The following FBP1 variants were observed in gnomAD, a reference collection of about 807,000 sequenced individuals.
The protein encoded by FBP1 is fructose-1,6-bisphosphatase 1.
In FBP1, 22 loss-of-function variants were observed where a neutral mutation model predicts 29.9. The ratio of observed to expected loss-of-function variants is 0.74; its 90% CI spans 0.53 to 1.05. The LOEUF (loss-of-function observed/expected upper bound fraction) is 1.05. Ranked by LOEUF, FBP1 falls within the 50% of genes least tolerant of loss-of-function variation. The pLI, the probability that FBP1 is intolerant of heterozygous loss-of-function variation, is 0.00. For missense variants in FBP1, 345 were observed against 448.2 expected, an observed-to-expected ratio of 0.77 and a Z score of 2.08; for synonymous variants, 175 against 178.6, an observed-to-expected ratio of 0.98 and a Z score of 0.16.
intron 1 of FBP1, among the ~76,000 whole-genome samples, chr9:94,620,896 AG>A (rs1827937023): frequency 6.6e-6 from 1 of 152,238 alleles, no homozygotes. Flanking sequence ...TGTGTATCCC[AG>A]AACTTAAAGT....
rs549595249 is a variant in FBP1 at position 94,631,644 on chromosome 9, C to T, written c.170+7497G>A. On this transcript the variant is annotated intron_variant, in intron 1 of 6. Coordinates refer to ENST00000375326, the MANE Select transcript of FBP1 (RefSeq NM_000507.4). ...CTGCTGACTTAGGACCATCTCCTCCCGAAGTCACTGTGACTGAGTAACACG... is the reference window on the plus strand; with the variant it reads ...CTGCTGACTTAGGACCATCTCCTCCTGAAGTCACTGTGACTGAGTAACACG... Among the ~76,000 whole-genome samples, 22 of 152,322 alleles carry T rather than the reference C, an allele frequency of 1.4e-4. No homozygotes were observed. The South Asian group carries it at 3.9e-3, about 27-fold the overall frequency.
chr9:94,615,533 G>A (rs1827849688), intron 3 of FBP1, among the ~76,000 whole-genome samples: 2 of 152,162 alleles, frequency 1.3e-5, no homozygotes, highest in Admixed American at 1.3e-4. Flanking sequence ...TATTTTGCAA[G>A]GAAAATTGCA....
chr9:94,617,999 G>C, intron 2 of FBP1, 139 bp from the exon 3 acceptor site: 1 of 684,182 alleles, frequency 1.5e-6, no homozygotes, highest in Non-Finnish European at 2.6e-6. Flanking sequence ...TGTCATGGAA[G>C]GCATGAGATG....
chr9:94,614,345 C>G (rs1827832288), intron 3 of FBP1, among the ~76,000 whole-genome samples: 1 of 150,898 alleles, frequency 6.6e-6, no homozygotes, highest in Non-Finnish European at 1.5e-5. Context: ...TCGAGACCAT[C>G]CTGGCTAAAA....
chr9:94,629,012 C>T (rs1441109931), intron 1 of FBP1, among the ~76,000 whole-genome samples: 1 of 152,154 alleles, frequency 6.6e-6, no homozygotes, highest in Non-Finnish European at 1.5e-5. Flanking sequence ...GACAGAGTCT[C>T]GCTCCGTCAC....
chr9:94,609,967 A>T lies in FBP1; in HGVS notation c.521T>A (p.Leu174Gln), dbSNP rs751066898. Residue 174 changes from leucine (L) to glutamine (Q), a missense_variant, in exon 4 of 7, where the codon CTG becomes CAG. Transcript: ENST00000375326. ...GACCCCACAGTCCATGGCAAGGACC[A>T]GCATGGTGGCACTGCCATACAGTGC... ...GYALYGSATM[L>Q]VLAMDCGVNC... 1 of 1,614,232 alleles carries T rather than the reference A, an allele frequency of 6.2e-7. No individual in the cohort carries two copies. Among genetic ancestry groups the T allele is most frequent in the Non-Finnish European group, 8.5e-7 (1 of 1,180,024 alleles).
At chr9:94,611,984 G>A (rs1827793153) in intron 3 of FBP1, among the ~76,000 whole-genome samples, 1 of 152,148 alleles carries the variant, frequency 6.6e-6, no homozygotes, top group Non-Finnish European at 1.5e-5. Flanking sequence ...GCCCCTCCTA[G>A]TTTTCACCTG....
At chr9:94,634,301 A>C (rs1394434962) in intron 1 of FBP1, among the ~76,000 whole-genome samples, 1 of 150,306 alleles carries the variant, frequency 6.7e-6, no homozygotes, top group Non-Finnish European at 1.5e-5. Context: ...CTCAAAAAAA[A>C]AAAAAAGAAA....
intron 5 of FBP1, among the ~76,000 whole-genome samples, chr9:94,605,926 G>A (rs28369758): frequency 6.6e-6 from 1 of 152,170 alleles, no homozygotes; most frequent in Non-Finnish European, 1.5e-5. Flanking sequence ...ACCGGGCAGG[G>A]GTGGGAGGCA....
At chr9:94,614,903 A>T (rs959562088) in intron 3 of FBP1, among the ~76,000 whole-genome samples, 3 of 152,076 alleles carry the variant, frequency 2.0e-5, no homozygotes, top group South Asian at 2.1e-4. Context: ...TTTATTAATT[A>T]ATTAATTTAT....
At chr9:94,604,159 T>C (rs1339130803) in intron 6 of FBP1, among the ~76,000 whole-genome samples, 1 of 152,224 alleles carries the variant, frequency 6.6e-6, no homozygotes, top group Non-Finnish European at 1.5e-5. Context: ...TTTCATGCAG[T>C]CTGCCTACTG....
At chr9:94,632,669 T>C (rs1587867248) in intron 1 of FBP1, among the ~76,000 whole-genome samples, 1 of 152,208 alleles carries the variant, frequency 6.6e-6, no homozygotes, top group East Asian at 1.9e-4. Context: ...CTAGACTCTG[T>C]CTGAAAAATA....
intron 1 of FBP1, among the ~76,000 whole-genome samples, chr9:94,625,816 C>T (rs1828018131): frequency 6.6e-6 from 1 of 151,974 alleles, no homozygotes; most frequent in Non-Finnish European, 1.5e-5. Context: ...GACGGAGCTG[C>T]CCGCGTCCAC....
intron 1 of FBP1, among the ~76,000 whole-genome samples, chr9:94,633,329 A>G (rs1178369854): frequency 3.3e-5 from 5 of 152,048 alleles, no homozygotes; most frequent in Admixed American, 3.3e-4. Context: ...CGCTCTTCCG[A>G]TATACTTCCA....
At chr9:94,635,633 C>T (rs1043140147) in intron 1 of FBP1, among the ~76,000 whole-genome samples, 53 of 152,320 alleles carry the variant, frequency 3.5e-4, no homozygotes, top group African/African-American at 1.1e-3. Flanking sequence ...TGCTACCTGC[C>T]TGATGACATG....
At position 94,605,441 on chromosome 9, in the gene FBP1, C is replaced by T. The variant is rs1449245410; in HGVS notation, c.825+16G>A. On this transcript the variant is annotated intron_variant, in intron 6 of 6. Coordinates refer to ENST00000375326, the MANE Select transcript of FBP1 (RefSeq NM_000507.4). ...TGAAATCTGCTCCTCACTCCCTCTC[C>T]AGGGGACACCCTTACCTTTCCATTG... is the stretch of plus-strand genomic sequence containing the variant. The T allele has an allele frequency of 1.9e-6, 3 of 1,612,620 alleles. No homozygotes were observed. Among genetic ancestry groups the T allele is most frequent in the Non-Finnish European group, 2.5e-6 (3 of 1,179,652 alleles).
chr9:94,633,896 C>CG lies in FBP1; in HGVS notation c.170+5244dup, dbSNP rs1328536197. Among the ~76,000 whole-genome samples, 5 of 151,232 alleles carry CG rather than the reference C, an allele frequency of 3.3e-5. No individual in the cohort carries two copies. In the East Asian group the frequency reaches 1.0e-3, roughly 30 times the overall value. On this transcript the variant is annotated intron_variant, in intron 1 of 6. Transcript: ENST00000375326. ...ATTTTTTTGTATTTTTTGGTAGAGA[C>CG]GGGGTTTCACCGTGTTGGCCAGGAT... is the stretch of plus-strand genomic sequence containing the variant.
intron 3 of FBP1, among the ~76,000 whole-genome samples, chr9:94,614,501 C>T (rs949752398): frequency 2.0e-5 from 3 of 152,132 alleles, no homozygotes; most frequent in Non-Finnish European, 4.4e-5. Context: ...GATGGCGCCA[C>T]TGCACTCCAG....
chr9:94,639,074 C>G (rs1587870955), intron 1 of FBP1, 67 bp downstream of exon 1: 2 of 1,504,282 alleles, frequency 1.3e-6, no homozygotes, highest in Non-Finnish European at 1.8e-6. Context: ...GGCCCAACGT[C>G]AGCCCGCCGG....
Sources: gnomAD v4.1 joint callset for allele counts (sites outside exome capture counted in the v4.1 genomes callset) on GRCh38, gnomAD v4.1.1 for gene constraint, MANE v1.5 for transcripts, NCBI Gene and HGNC (gene_info 2026-07-23, HGNC 2026-07-21) for gene names.